OPRD1: variants seen among roughly 807,000 people sequenced by gnomAD.
The protein encoded by OPRD1 is delta-type opioid receptor.
A neutral mutation model predicts 17.5 loss-of-function variants in OPRD1; 19 were observed. The ratio of observed to expected loss-of-function variants is 1.09; its 90% CI spans 0.76 to 1.60. OPRD1 has a LOEUF of 1.60. OPRD1 is among the 40% of genes most tolerant of loss of function. The probability of loss-of-function intolerance (pLI) is 0.00; values close to 1 mark genes in which losing one functional copy is unlikely to be tolerated. For synonymous variants in OPRD1, 256 were observed against 240.9 expected, an observed-to-expected ratio of 1.06 and a Z score of -0.58; for missense variants, 483 against 547.2, an observed-to-expected ratio of 0.88 and a Z score of 1.17.
At chr1:28,846,911 C>T (rs554870022) in intron 1 of OPRD1, among the ~76,000 whole-genome samples, 1 of 124,070 alleles carries the variant, frequency 8.1e-6, no homozygotes, top group African/African-American at 3.0e-5. Context: ...CTTTCTTTTT[C>T]TTTCTTTCTT....
intron 1 of OPRD1, among the ~76,000 whole-genome samples, chr1:28,845,399 G>C (rs1242643933): frequency 6.6e-6 from 1 of 150,568 alleles, no homozygotes; most frequent in Non-Finnish European, 1.5e-5. Flanking sequence ...TGAGGCGGGA[G>C]AATTATGAGG....
At chr1:28,821,706 C>T (rs534611765) in intron 1 of OPRD1, among the ~76,000 whole-genome samples, 5 of 152,086 alleles carry the variant, frequency 3.3e-5, no homozygotes, top group East Asian at 1.9e-4. Context: ...GTTCTTTTTC[C>T]AGTGACTTTT....
chr1:28,857,529 T>C (rs1269291348), intron 1 of OPRD1, among the ~76,000 whole-genome samples: 2 of 152,198 alleles, frequency 1.3e-5, no homozygotes, highest in Non-Finnish European at 2.9e-5. Context: ...AGTACAGTGG[T>C]ACGATCTTGG....
At chr1:28,834,215 A>G (rs2088831001) in intron 1 of OPRD1, among the ~76,000 whole-genome samples, 1 of 150,820 alleles carries the variant, frequency 6.6e-6, no homozygotes, top group African/African-American at 2.4e-5. Flanking sequence ...CCCAGCCTTG[A>G]ACCAGTGTGT....
rs1174532407 is a variant in OPRD1 at position 28,812,363 on chromosome 1, C to G, written c.-21C>G. On this transcript the variant is annotated 5_prime_UTR_variant, in exon 1 of 3. Coordinates refer to ENST00000234961, the MANE Select transcript of OPRD1 (RefSeq NM_000911.4). ...CCAGGGCGCACGGTGGAGAGGGACG[C>G]GGCGGAGCCGGCCGGCAGCCATGGA... is the stretch of plus-strand genomic sequence containing the variant. 7 of 1,363,350 alleles carry G rather than the reference C, an allele frequency of 5.1e-6. No individual in the cohort carries two copies. The highest frequency in any genetic ancestry group is 6.6e-6 in the Non-Finnish European group (7 of 1,065,392). 84.5% of individuals were successfully genotyped at this position (1,363,350 alleles called of 1,614,324 possible). A position where few individuals can be genotyped will look rare whatever the true frequency, so the allele number is the denominator to read the frequency against.
intron 1 of OPRD1, among the ~76,000 whole-genome samples, chr1:28,852,858 A>G (rs1045182280): frequency 6.6e-6 from 1 of 152,042 alleles, no homozygotes; most frequent in African/African-American, 2.4e-5. Flanking sequence ...TGCTGAGACT[A>G]CAGGTGCCCG....
intron 1 of OPRD1, among the ~76,000 whole-genome samples, chr1:28,846,948 TTCTTTC>T (rs1222225119): frequency 1.5e-4 from 22 of 148,988 alleles, no homozygotes; most frequent in Non-Finnish European, 2.8e-4. Context: ...TTCCTTCCTT[TTCTTTC>T]TCTTTCTCTC....
In OPRD1 at chr1:28,870,361, C is replaced by T. The variant is rs984307272; in HGVS notation, c.*7078C>T. On this transcript the variant is annotated 3_prime_UTR_variant, in exon 3 of 3. Transcript: ENST00000234961. ...CCGCCGCCCGGGTTCAAGCAATTCT[C>T]CTGCCTCAGCCTGCTGAGTAGCTGG... is the stretch of plus-strand genomic sequence containing the variant. The T allele has an allele frequency of 2.6e-5, 4 of 151,908 alleles. No individual in the cohort carries two copies. The highest frequency in any genetic ancestry group is 1.3e-4 in the Admixed American group (2 of 15,258). 9.4% of individuals were successfully genotyped at this position (151,908 alleles called of 1,614,324 possible).
intron 1 of OPRD1, among the ~76,000 whole-genome samples, chr1:28,824,311 TTC>T: frequency 7.2e-6 from 1 of 139,334 alleles, no homozygotes; most frequent in Non-Finnish European, 1.5e-5. Context: ...TTTTTCTTTT[TTC>T]TTTTTTTTTT....
intron 1 of OPRD1, among the ~76,000 whole-genome samples, chr1:28,815,802 C>CT (rs2088668010): frequency 6.6e-6 from 1 of 152,152 alleles, no homozygotes; most frequent in Non-Finnish European, 1.5e-5. Context: ...CAGTCCTGAG[C>CT]TTAGGCAGCA....
intron 1 of OPRD1, among the ~76,000 whole-genome samples, chr1:28,839,982 G>A (rs372689129): frequency 7.2e-5 from 11 of 152,290 alleles, no homozygotes; most frequent in African/African-American, 2.2e-4. Flanking sequence ...TCATTACTGA[G>A]GATCAGGGCA....
chr1:28,813,955 A>AGC (rs968743361), intron 1 of OPRD1, among the ~76,000 whole-genome samples: 1 of 152,196 alleles, frequency 6.6e-6, no homozygotes, highest in African/African-American at 2.4e-5. Flanking sequence ...GGGTCTCTGC[A>AGC]GCGCAGAACG....
chr1:28,820,397 G>C (rs2088702687), intron 1 of OPRD1, among the ~76,000 whole-genome samples: 1 of 151,806 alleles, frequency 6.6e-6, no homozygotes, highest in South Asian at 2.1e-4. Flanking sequence ...GTTTCACCAT[G>C]ATGGCCAGGC....
intron 1 of OPRD1, among the ~76,000 whole-genome samples, chr1:28,824,022 A>G (rs1319695522): frequency 6.6e-6 from 1 of 151,286 alleles, no homozygotes; most frequent in African/African-American, 2.4e-5. Context: ...TACTAAAAAT[A>G]AAAAAGTTAG....
intron 1 of OPRD1, among the ~76,000 whole-genome samples, chr1:28,845,201 G>A (rs1385633367): frequency 6.6e-6 from 1 of 151,672 alleles, no homozygotes; most frequent in Non-Finnish European, 1.5e-5. Flanking sequence ...AAATTAGCTG[G>A]GGCCAGGCAC....
intron 1 of OPRD1, among the ~76,000 whole-genome samples, chr1:28,826,797 GTCTT>G (rs1307504717): frequency 6.6e-6 from 1 of 152,156 alleles, no homozygotes; most frequent in East Asian, 1.9e-4. Context: ...CATCAATTGA[GTCTT>G]TCTTTCATGA....
chr1:28,846,156 T>C (rs71642251), intron 1 of OPRD1, among the ~76,000 whole-genome samples: 76 of 152,372 alleles, frequency 5.0e-4, no homozygotes, highest in Non-Finnish European at 8.8e-4. Context: ...TCAGGCTCTT[T>C]CCTGCTACAG....
At chr1:28,835,425 C>T (rs942448319) in intron 1 of OPRD1, among the ~76,000 whole-genome samples, 17 of 152,212 alleles carry the variant, frequency 1.1e-4, no homozygotes, top group African/African-American at 4.1e-4. Flanking sequence ...CTATGACATG[C>T]TCTCTGGGCT....
At chr1:28,821,930 G>A (rs868156192) in intron 1 of OPRD1, among the ~76,000 whole-genome samples, 1 of 151,014 alleles carries the variant, frequency 6.6e-6, no homozygotes, top group East Asian at 1.9e-4. Context: ...AGACATGTGT[G>A]TTTGCGCACA....
Sources: allele counts gnomAD v4.1 joint callset (sites outside exome capture counted in the v4.1 genomes callset), GRCh38; gene constraint gnomAD v4.1.1; transcripts MANE v1.5; gene names NCBI Gene and HGNC (gene_info 2026-07-23, HGNC 2026-07-21).